The following WHAMM variants were observed in gnomAD, a reference collection of about 807,000 sequenced individuals.
WHAMM encodes the protein WASP homolog-associated protein with actin, membranes and microtubules.
WHAMM carries 67 observed loss-of-function variants against 76.5 expected under a neutral mutation model. The observed-to-expected ratio is 0.88, with a 90% confidence interval of 0.72 to 1.07. WHAMM has a LOEUF of 1.07. Ranked by LOEUF, WHAMM falls within the 50% of genes least tolerant of loss-of-function variation. The probability of loss-of-function intolerance (pLI) is 0.00; values close to 1 mark genes in which losing one functional copy is unlikely to be tolerated. For synonymous variants in WHAMM, 419 were observed against 422.1 expected, an observed-to-expected ratio of 0.99 and a Z score of 0.09; for missense variants, 1,021 against 1,051.1, an observed-to-expected ratio of 0.97 and a Z score of 0.40.
intron 5 of WHAMM, among the ~76,000 whole-genome samples, chr15:82,822,509 C>G (rs970679404): frequency 2.6e-5 from 4 of 152,222 alleles, no homozygotes; most frequent in African/African-American, 7.2e-5. Flanking sequence ...ACGATCTTGG[C>G]TCACTGCAAC....
chr15:82,831,739 TGAG>T (rs1184270748), intron 9 of WHAMM, among the ~76,000 whole-genome samples: 5 of 152,226 alleles, frequency 3.3e-5, no homozygotes, highest in African/African-American at 1.2e-4. Flanking sequence ...CATTAAGTGT[TGAG>T]GAGAATGGCC....
In WHAMM at chr15:82,830,642, C is replaced by A. The variant is rs571137233; in HGVS notation, c.1685C>A (p.Pro562His). The A allele has an allele frequency of 4.6e-5, 75 of 1,613,920 alleles. 2 individuals are homozygous for A. In the South Asian group the frequency reaches 8.1e-4, roughly 17 times the overall value. The change falls in exon 9 of 10, where the codon CCT (proline) becomes CAT (histidine). Residue 562 changes from proline (P) to histidine (H), a missense_variant. Pro to His is a moderately conservative substitution (Grantham distance 77). Around this residue, in one of 3 missense-constraint regions of WHAMM, gnomAD observed 509 missense variants for 492.3 expected, o/e 1.03. Coordinates refer to ENST00000286760, the MANE Select transcript of WHAMM (RefSeq NM_001080435.3). Reference protein sequence around the residue: ...QSVRNTSGSEPVAPNLPSDLS... With the variant: ...QSVRNTSGSEHVAPNLPSDLS... Reference sequence around the variant, plus strand: ...GTCCGAAACACCTCTGGCTCAGAACCTGTGGCTCCAAACCTGCCAAGTGAT... The same window carrying A: ...GTCCGAAACACCTCTGGCTCAGAACATGTGGCTCCAAACCTGCCAAGTGAT...
chr15:82,824,246 C>T (rs2050891867), intron 6 of WHAMM, among the ~76,000 whole-genome samples: 1 of 147,504 alleles, frequency 6.8e-6, no homozygotes, highest in Non-Finnish European at 1.5e-5. Context: ...CAACCTCCAC[C>T]TCCCAGGTTC....
chr15:82,826,875 A>G (rs1403190782), intron 8 of WHAMM, 29 bp downstream of exon 8: 7 of 1,533,002 alleles, frequency 4.6e-6, no homozygotes, highest in South Asian at 2.5e-5. Context: ...CACCTCATCT[A>G]CACTTCTGGG....
At chr15:82,823,459 TA>T (rs1664449824) in intron 6 of WHAMM, among the ~76,000 whole-genome samples, 172 bp downstream of exon 6, 1 of 152,220 alleles carries the variant, frequency 6.6e-6, no homozygotes, top group Non-Finnish European at 1.5e-5. Context: ...TTCTTAAAAA[TA>T]TTTTTTTTCT....
intron 5 of WHAMM, 129 bp from the exon 6 acceptor site, chr15:82,822,970 TC>T (rs987647012): frequency 1.5e-5 from 11 of 710,538 alleles, no homozygotes; most frequent in African/African-American, 3.7e-5. Flanking sequence ...CACATATTTT[TC>T]ATATATGTTA....
rs1272993986 is a variant in WHAMM at position 82,809,955 on chromosome 15, A to T, written c.229A>T (p.Ser77Cys). 1 of 1,387,152 alleles carries T rather than the reference A, an allele frequency of 7.2e-7. No individual in the cohort carries two copies. Among genetic ancestry groups the T allele is most frequent in the South Asian group, 1.7e-5 (1 of 60,512 alleles). 85.9% of individuals were successfully genotyped at this position (1,387,152 alleles called of 1,614,324 possible). A position where few individuals can be genotyped will look rare whatever the true frequency, so the allele number is the denominator to read the frequency against. ...GCCTGAGGCCGCCGTCTCCCCGTCC[A>T]GCTGGGCCGGCCTGCTCTCGGCCGC... ...PKPEAAVSPS[S>C]WAGLLSAAGL... Residue 77 changes from serine to cysteine, a missense_variant, in exon 1 of 10, where the codon AGC (serine) becomes TGC (cysteine). Ser to Cys is a moderately radical substitution (Grantham distance 112). Coordinates refer to ENST00000286760, the MANE Select transcript of WHAMM (RefSeq NM_001080435.3).
chr15:82,830,099 C>G (rs774009505), intron 8 of WHAMM, among the ~76,000 whole-genome samples: 17 of 151,932 alleles, frequency 1.1e-4, no homozygotes, highest in Non-Finnish European at 2.2e-4. Context: ...CATTTTTAAT[C>G]ATAATACATA....
chr15:82,819,066 TG>T (rs1596281021), intron 4 of WHAMM, among the ~76,000 whole-genome samples: 1 of 152,230 alleles, frequency 6.6e-6, no homozygotes, highest in Admixed American at 6.5e-5. Flanking sequence ...TACGAATTTT[TG>T]GGGGGACACC....
chr15:82,824,380 TGCA>T (rs2050894608), intron 6 of WHAMM, among the ~76,000 whole-genome samples: 1 of 151,620 alleles, frequency 6.6e-6, no homozygotes, highest in African/African-American at 2.4e-5. Context: ...CAGGCTGGAG[TGCA>T]GTGGCACGAT....
chr15:82,815,036 C>T (rs1285458957), intron 2 of WHAMM, among the ~76,000 whole-genome samples: 1 of 146,280 alleles, frequency 6.8e-6, no homozygotes, highest in Non-Finnish European at 1.5e-5. Context: ...TCCCAGAGTG[C>T]TGGGATTACA....
chr15:82,813,216 C>T lies in WHAMM; in HGVS notation c.723C>T (p.Tyr241=), dbSNP rs764963210. ...LVTVATMFFQ[Y]LLQPFRAMRE... ...CCGTGGCAACCATGTTCTTCCAGTA[C>T]TTATTGCAGCCATTTAGGGCTATGC... Residue 241 remains tyrosine (Y), a synonymous_variant, in exon 2 of 10, where the codon TAC becomes TAT. Transcript: ENST00000286760. 14 of 1,611,870 alleles carry T rather than the reference C, an allele frequency of 8.7e-6. No homozygotes were observed. The African/African-American group carries it at 9.4e-5, about 11-fold the overall frequency.
At chr15:82,815,155 A>G (rs4778690) in intron 2 of WHAMM, among the ~76,000 whole-genome samples, 15 of 46,132 alleles carry the variant, frequency 3.3e-4, no homozygotes, top group South Asian at 6.2e-4. Context: ...ATATATATAT[A>G]GTACAATTCA....
chr15:82,820,908 A>AT (rs1004232293), intron 5 of WHAMM, among the ~76,000 whole-genome samples: 1 of 39,520 alleles, frequency 2.5e-5, no homozygotes, highest in African/African-American at 7.6e-5. Flanking sequence ...AAAAAAAAAA[A>AT]AAAAAAAAAA....
chr15:82,815,942 T>C (rs1440726531), intron 2 of WHAMM, among the ~76,000 whole-genome samples: 2 of 152,218 alleles, frequency 1.3e-5, no homozygotes, highest in Admixed American at 6.5e-5. Flanking sequence ...ACAAAACTTT[T>C]TTTTCACAGT....
At chr15:82,810,976 G>T (rs1335627192) in intron 1 of WHAMM, among the ~76,000 whole-genome samples, 1 of 152,148 alleles carries the variant, frequency 6.6e-6, no homozygotes, top group Non-Finnish European at 1.5e-5. Flanking sequence ...GTTCACAGAA[G>T]GGTTTAGGAG....
rs574948636 is a variant in WHAMM at position 82,828,240 on chromosome 15, G to GT, written c.1641+1396dup. ...GAGTAACCAAGGTTCAGAATGGTTGGTTACACAACTTAGTTCAAGGTTAAA... is the reference window on the plus strand; with the variant it reads ...GAGTAACCAAGGTTCAGAATGGTTGGTTTACACAACTTAGTTCAAGGTTAAA... On this transcript the variant is annotated intron_variant, in intron 8 of 9. Coordinates refer to ENST00000286760, the MANE Select transcript of WHAMM (RefSeq NM_001080435.3). Among the ~76,000 whole-genome samples, 73 of 152,272 alleles carry GT rather than the reference G, an allele frequency of 4.8e-4. 1 individual carries two copies. Among genetic ancestry groups the GT allele is most frequent in the Admixed American group, 3.5e-3 (53 of 15,296 alleles).
At position 82,834,707 on chromosome 15, in the gene WHAMM, C is replaced by T. The variant is rs1740940940; in HGVS notation, c.*1171C>T. On this transcript the variant is annotated 3_prime_UTR_variant, in exon 10 of 10. Transcript: ENST00000286760. ...AATTTATTTTAGGCACCAAGCACTA[C>T]ATAAACTCATAATAACTATTTGCAA... The T allele has an allele frequency of 6.6e-6, 1 of 152,590 alleles. No homozygotes were observed. Among genetic ancestry groups the T allele is most frequent in the South Asian group, 2.1e-4 (1 of 4,828 alleles). The allele number at this position is 152,590 out of a possible 1,614,324, so 9.5% of individuals were successfully genotyped here. A position where few individuals can be genotyped will look rare whatever the true frequency, so the allele number is the denominator to read the frequency against.
rs2151570221 is a variant in WHAMM at position 82,826,811 on chromosome 15, C to CA, written c.1612dup (p.Thr538AsnfsTer9). Reference sequence around the variant, plus strand: ...AAAAGAATGGATCAACCAAGAACGTCAAAAAACACTCCAACGATTGAGATC... The same window carrying CA: ...AAAAGAATGGATCAACCAAGAACGTCAAAAAAACACTCCAACGATTGAGATC... On this transcript the variant is annotated frameshift_variant, in exon 8 of 10. Transcript: ENST00000286760. LOFTEE classifies it high-confidence loss of function. 6.5e-7 allele frequency: 1 copy of CA among 1,549,032 alleles called. No homozygotes were observed. Among genetic ancestry groups the CA allele is most frequent in the Non-Finnish European group, 8.7e-7 (1 of 1,146,832 alleles).
Sources: gnomAD v4.1 joint callset for allele counts (sites outside exome capture counted in the v4.1 genomes callset) on GRCh38, gnomAD v4.1.1 for gene constraint, gnomAD v4.1.1 regional missense constraint, MANE v1.5 for transcripts, NCBI Gene and HGNC (gene_info 2026-07-23, HGNC 2026-07-21) for gene names.